Variants in PTPRD observed in about 807,000 individuals in gnomAD.
The protein encoded by PTPRD is protein tyrosine phosphatase receptor type D, also known as receptor-type tyrosine-protein phosphatase delta.
A neutral mutation model predicts 214.5 loss-of-function variants in PTPRD; 34 were observed. The observed-to-expected ratio is 0.16, with a 90% CI of 0.12 to 0.21. The LOEUF (loss-of-function observed/expected upper bound fraction) is 0.21, where lower values mean the gene tolerates loss of function less well. Ranked by LOEUF, PTPRD falls within the 10% of genes least tolerant of loss-of-function variation. The pLI, the probability that PTPRD is intolerant of heterozygous loss-of-function variation, is 1.00. For missense variants in PTPRD, 2,545 were observed against 2,398.7 expected, an observed-to-expected ratio of 1.06 and a Z score of -1.27; for synonymous variants, 1,128 against 845.7, an observed-to-expected ratio of 1.33 and a Z score of -5.79.
intron 3 of PTPRD, among the ~76,000 whole-genome samples, chr9:10,304,998 A>G (rs990053207): frequency 6.6e-6 from 1 of 152,168 alleles, no homozygotes; most frequent in African/African-American, 2.4e-5. Context: ...ACACTACCTG[A>G]CTTCAAACTA....
At chr9:9,269,194 T>A (rs566117038) in intron 9 of PTPRD, among the ~76,000 whole-genome samples, 2 of 151,408 alleles carry the variant, frequency 1.3e-5, no homozygotes, top group East Asian at 3.9e-4. Flanking sequence ...ATTTAAAAAA[T>A]TATCAAAGAA....
chr9:9,059,680 T>C (rs930284534), intron 10 of PTPRD, among the ~76,000 whole-genome samples: 2 of 152,052 alleles, frequency 1.3e-5, no homozygotes, highest in South Asian at 2.1e-4. Context: ...ATAAAGAATA[T>C]ATAATTTTGT....
intron 11 of PTPRD, among the ~76,000 whole-genome samples, chr9:8,899,945 A>G (rs555205340): frequency 2.6e-4 from 40 of 152,328 alleles, no homozygotes; most frequent in African/African-American, 9.6e-4. Flanking sequence ...ATCTTTGTGG[A>G]AAAACAAATC....
intron 9 of PTPRD, among the ~76,000 whole-genome samples, chr9:9,273,831 C>T (rs1424608316): frequency 6.6e-6 from 1 of 151,252 alleles, no homozygotes; most frequent in Non-Finnish European, 1.5e-5. Context: ...TTGACCCATT[C>T]TTGTTCATCA....
At chr9:10,148,459 T>C (rs1413937763) in intron 3 of PTPRD, among the ~76,000 whole-genome samples, 2 of 152,156 alleles carry the variant, frequency 1.3e-5, no homozygotes, top group Non-Finnish European at 2.9e-5. Flanking sequence ...ATCTCTTCAA[T>C]ATGATTAGGC....
chr9:10,447,687 G>A (rs112206252), intron 2 of PTPRD, among the ~76,000 whole-genome samples: 1,524 of 152,054 alleles, frequency 0.01, 37 homozygotes, highest in African/African-American at 0.029. Context: ...ACCCAAAGAG[G>A]TCCATCACAG....
At chr9:9,821,783 T>C (rs2761759) in intron 5 of PTPRD, among the ~76,000 whole-genome samples, 73,919 of 151,466 alleles carry the variant, frequency 0.49, 19,006 homozygotes, top group East Asian at 0.89. Context: ...ACATAGATAA[T>C]AAGCAGTAAA....
chr9:8,927,900 C>T (rs574687467), intron 11 of PTPRD, among the ~76,000 whole-genome samples: 105 of 152,296 alleles, frequency 6.9e-4, no homozygotes, highest in Non-Finnish European at 1.4e-3. Flanking sequence ...GATTGCCATT[C>T]TAACTGGCAT....
At chr9:8,413,163 T>C (rs2093656959) in intron 35 of PTPRD, among the ~76,000 whole-genome samples, 1 of 152,208 alleles carries the variant, frequency 6.6e-6, no homozygotes, top group African/African-American at 2.4e-5. Flanking sequence ...TTCCTATTAT[T>C]TTTACTTTGC....
At chr9:9,176,333 A>C (rs1041037066) in intron 10 of PTPRD, among the ~76,000 whole-genome samples, 1 of 152,156 alleles carries the variant, frequency 6.6e-6, no homozygotes, top group Admixed American at 6.5e-5. Flanking sequence ...CATTAAGGTC[A>C]CTCTCAGGAG....
intron 14 of PTPRD, among the ~76,000 whole-genome samples, chr9:8,547,317 T>G (rs2080472377): frequency 6.6e-6 from 1 of 151,972 alleles, no homozygotes; most frequent in African/African-American, 2.4e-5. Context: ...TAGTAAACAC[T>G]AACTTAAAGG....
At chr9:8,351,801 A>G (rs372269263) in intron 39 of PTPRD, among the ~76,000 whole-genome samples, 1 of 151,054 alleles carries the variant, frequency 6.6e-6, no homozygotes, top group East Asian at 2.0e-4. Context: ...ACCCAGAGCC[A>G]TGATCACTCC....
intron 2 of PTPRD, among the ~76,000 whole-genome samples, chr9:10,485,025 T>C (rs2099123598): frequency 6.9e-6 from 1 of 144,718 alleles, no homozygotes; most frequent in Non-Finnish European, 1.5e-5. Flanking sequence ...CAATTTTTAC[T>C]TGATTTTTTT....
intron 11 of PTPRD, among the ~76,000 whole-genome samples, chr9:8,873,710 T>C (rs2098340616): frequency 6.6e-6 from 1 of 152,170 alleles, no homozygotes; most frequent in African/African-American, 2.4e-5. Flanking sequence ...ATGTAAGTGG[T>C]TGATTTTAAA....
chr9:9,077,946 A>G (rs1281013326), intron 10 of PTPRD, among the ~76,000 whole-genome samples: 1 of 152,058 alleles, frequency 6.6e-6, no homozygotes, highest in African/African-American at 2.4e-5. Flanking sequence ...TATCTACCTG[A>G]CCATAGCCTA....
At chr9:9,743,847 G>T (rs755665974) in intron 6 of PTPRD, among the ~76,000 whole-genome samples, 16 of 151,006 alleles carry the variant, frequency 1.1e-4, no homozygotes, top group Admixed American at 2.0e-4. Flanking sequence ...TCTCTATAAG[G>T]TCTTGAATTT....
In PTPRD at chr9:8,904,149, T is replaced by C. The variant is rs192441976; in HGVS notation, c.-104+114548A>G. 2.7e-3 allele frequency among the ~76,000 whole-genome samples: 408 copies of C among 152,346 alleles called. 3 individuals are homozygous for C. Among genetic ancestry groups the C allele is most frequent in the African/African-American group, 8.7e-3 (360 of 41,580 alleles). On this transcript the variant is annotated intron_variant, in intron 11 of 45. Coordinates refer to ENST00000381196, the MANE Select transcript of PTPRD (RefSeq NM_002839.4). ...TTTATTGCTATTTATTTTCTTTCTT[T>C]CCTAAAACATTTGTGAGTTAGTTTT...
At chr9:8,826,340 C>A (rs530651735) in intron 11 of PTPRD, among the ~76,000 whole-genome samples, 1 of 152,282 alleles carries the variant, frequency 6.6e-6, no homozygotes, top group East Asian at 1.9e-4. Context: ...CCTCAGCCTA[C>A]AATCCCTCCC....
chr9:8,757,539 C>A (rs999508530), intron 11 of PTPRD, among the ~76,000 whole-genome samples: 2 of 151,264 alleles, frequency 1.3e-5, no homozygotes, highest in Non-Finnish European at 2.9e-5. Flanking sequence ...CTGAGTATCC[C>A]AGGGAACAAT....
Sources: allele counts gnomAD v4.1 joint callset (sites outside exome capture counted in the v4.1 genomes callset), GRCh38; gene constraint gnomAD v4.1.1; transcripts MANE v1.5; gene names NCBI Gene and HGNC (gene_info 2026-07-23, HGNC 2026-07-21).